ADGRV1: variants seen among roughly 807,000 people sequenced by gnomAD.
ADGRV1 encodes G-protein coupled receptor 98.
ADGRV1 carries 359 observed loss-of-function variants against 596.2 expected under a neutral mutation model. The ratio of observed to expected loss-of-function variants is 0.60; its 90% CI spans 0.55 to 0.66. The LOEUF (loss-of-function observed/expected upper bound fraction) is 0.66, where lower values mean the gene tolerates loss of function less well. Among genes scored for constraint, ADGRV1 ranks in the 30% least tolerant of loss-of-function variants. ADGRV1 has a pLI of 0.00. For missense variants in ADGRV1, 7,274 were observed against 7,575.6 expected (o/e 0.96, Z 1.48); for synonymous variants, 2,681 against 2,679.2 (o/e 1.00, Z -0.02).
chr5:90,614,184 T>C, intron 1 of ADGRV1: 1 of 353,860 alleles, frequency 2.8e-6, no homozygotes. Context: ...AAAGTTGTCA[T>C]GGAAAAAAAG....
Position 90,786,763 on chromosome 5 carries a change from T to C in ADGRV1, c.13654-1308T>C, listed in dbSNP as rs1022757635. ...TTTAAGTTTGAGCAGCTGGATAATT[T>C]GTAGGGTTGTTTACTAAGATGCAGA... On this transcript the variant is annotated intron_variant, in intron 67 of 89. Coordinates refer to ENST00000405460, the MANE Select transcript of ADGRV1 (RefSeq NM_032119.4). Among the ~76,000 whole-genome samples, 5 of 152,260 alleles carry C rather than the reference T, an allele frequency of 3.3e-5. No individual in the cohort carries two copies. In the South Asian group the frequency reaches 8.3e-4, roughly 25 times the overall value.
chr5:90,650,978 T>C (rs1768523109), intron 17 of ADGRV1, among the ~76,000 whole-genome samples: 1 of 152,120 alleles, frequency 6.6e-6, no homozygotes, highest in African/African-American at 2.4e-5. Flanking sequence ...AGGGAAGTGA[T>C]GAGAAGAGAC....
At chr5:91,057,078 A>G (rs957969597) in intron 85 of ADGRV1, among the ~76,000 whole-genome samples, 2 of 152,154 alleles carry the variant, frequency 1.3e-5, no homozygotes. Flanking sequence ...CCAACCTAAT[A>G]TTTTCTCCTG....
intron 85 of ADGRV1, among the ~76,000 whole-genome samples, chr5:91,017,268 A>G (rs1040494263): frequency 3.3e-5 from 5 of 151,998 alleles, no homozygotes; most frequent in Non-Finnish European, 5.9e-5. Flanking sequence ...CAATTGGCAG[A>G]ATGTATTCTA....
chr5:90,766,681 GA>G (rs1488910441), intron 59 of ADGRV1, among the ~76,000 whole-genome samples: 1 of 152,188 alleles, frequency 6.6e-6, no homozygotes, highest in African/African-American at 2.4e-5. Context: ...TTTGAAGGGG[GA>G]ACATAATCTT....
At chr5:91,100,794 A>G (rs760248306) in intron 86 of ADGRV1, among the ~76,000 whole-genome samples, 2 of 152,254 alleles carry the variant, frequency 1.3e-5, no homozygotes, top group Non-Finnish European at 2.9e-5. Context: ...GCGTCACCTT[A>G]TAGAATGCTG....
chr5:90,623,462 A>T (rs1479121956), intron 5 of ADGRV1, among the ~76,000 whole-genome samples: 1 of 151,920 alleles, frequency 6.6e-6, no homozygotes, highest in Non-Finnish European at 1.5e-5. Context: ...CCCAGGCTGG[A>T]GTACAGTGGC....
At chr5:90,923,699 A>G (rs1472795510) in intron 83 of ADGRV1, among the ~76,000 whole-genome samples, 1 of 152,158 alleles carries the variant, frequency 6.6e-6, no homozygotes, top group East Asian at 1.9e-4. Flanking sequence ...TTACATATGT[A>G]TACATGTGCC....
chr5:91,109,096 A>G (rs1397713132), intron 87 of ADGRV1, among the ~76,000 whole-genome samples: 2 of 152,246 alleles, frequency 1.3e-5, no homozygotes, highest in Non-Finnish European at 2.9e-5. Flanking sequence ...ATGCAAATGT[A>G]AGGTTTAAAA....
At chr5:90,953,137 C>T (rs564078476) in intron 83 of ADGRV1, among the ~76,000 whole-genome samples, 1 of 152,132 alleles carries the variant, frequency 6.6e-6, no homozygotes, top group Admixed American at 6.6e-5. Context: ...CATGATAGCC[C>T]TTGTTTGAGT....
At chr5:90,875,125 A>T (rs1366032717) in intron 83 of ADGRV1, among the ~76,000 whole-genome samples, 2 of 152,098 alleles carry the variant, frequency 1.3e-5, no homozygotes, top group East Asian at 3.9e-4. Context: ...GCCTGCAGTG[A>T]GCTATGATTG....
At chr5:90,816,250 T>C (rs934065182) in intron 75 of ADGRV1, among the ~76,000 whole-genome samples, 1 of 152,176 alleles carries the variant, frequency 6.6e-6, no homozygotes, top group African/African-American at 2.4e-5. Flanking sequence ...GTTGTTTCTT[T>C]AGAAAAATCC....
At chr5:90,716,804 C>G in intron 43 of ADGRV1, 75 bp downstream of exon 43, 1 of 1,069,060 alleles carries the variant, frequency 9.4e-7, no homozygotes, top group South Asian at 1.6e-5. Context: ...TAGATGAGCA[C>G]TCAAGTCCTA....
At chr5:90,801,210 A>G (rs1761337113) in intron 70 of ADGRV1, among the ~76,000 whole-genome samples, 2 of 152,098 alleles carry the variant, frequency 1.3e-5, no homozygotes, top group South Asian at 4.2e-4. Flanking sequence ...AATTAATCTA[A>G]CCTCTTTTCT....
chr5:90,716,595 C>T lies in ADGRV1; in HGVS notation c.9313C>T (p.Arg3105Trp), dbSNP rs767543352. The T allele has an allele frequency of 3.2e-5, 52 of 1,613,622 alleles. No individual in the cohort carries two copies. The highest frequency in any genetic ancestry group is 1.6e-4 in the Middle Eastern group (1 of 6,082). Reference protein sequence around the residue: ...QESVAVLYIVREPAQGLFGTV... With the variant: ...QESVAVLYIVWEPAQGLFGTV... ...GAGTGTTGCAGTATTGTACATTGTT[C>T]GGGAACCTGCACAAGGATTGTTTGG... Residue 3105 changes from arginine (R) to tryptophan (W), a missense_variant, in exon 43 of 90, where the codon CGG becomes TGG. Arg to Trp is a moderately radical substitution (Grantham distance 101, BLOSUM62 -3). This residue lies in a region of ADGRV1 where 3,643 missense variants were observed against 3,809.2 expected (regional missense o/e 0.96). Coordinates refer to ENST00000405460, the MANE Select transcript of ADGRV1 (RefSeq NM_032119.4).
intron 85 of ADGRV1, among the ~76,000 whole-genome samples, chr5:91,064,358 A>G (rs1339753991): frequency 6.6e-6 from 1 of 152,230 alleles, no homozygotes; most frequent in Non-Finnish European, 1.5e-5. Context: ...TTGACGTTTT[A>G]TAATTTAGGT....
At chr5:90,953,725 T>C (rs1275854891) in intron 83 of ADGRV1, among the ~76,000 whole-genome samples, 1 of 152,130 alleles carries the variant, frequency 6.6e-6, no homozygotes, top group Non-Finnish European at 1.5e-5. Context: ...AAGTAAAAGT[T>C]TGAATTGAAA....
chr5:90,578,972 G>A (rs1757602464), intron 1 of ADGRV1, among the ~76,000 whole-genome samples: 1 of 151,944 alleles, frequency 6.6e-6, no homozygotes, highest in African/African-American at 2.4e-5. Flanking sequence ...ATTTTTTATT[G>A]AGTCTATTTG....
At chr5:90,713,110 A>G (rs1372909958) in intron 42 of ADGRV1, among the ~76,000 whole-genome samples, 1 of 152,120 alleles carries the variant, frequency 6.6e-6, no homozygotes, top group Non-Finnish European at 1.5e-5. Context: ...AATTTCAAGG[A>G]TTGAATGCTG....
Sources: gnomAD v4.1 joint callset for allele counts (sites outside exome capture counted in the v4.1 genomes callset) on GRCh38, gnomAD v4.1.1 for gene constraint, gnomAD v4.1.1 regional missense constraint, MANE v1.5 for transcripts, NCBI Gene and HGNC (gene_info 2026-07-23, HGNC 2026-07-21) for gene names.